Variants in CNTN4 observed in about 807,000 individuals in gnomAD.
CNTN4 encodes the protein contactin-4.
Under a neutral mutation model 122.5 loss-of-function variants are expected in CNTN4, and 77 were observed. The ratio of observed to expected loss-of-function variants is 0.63; its 90% CI spans 0.52 to 0.76. The LOEUF (loss-of-function observed/expected upper bound fraction) is 0.76, where lower values mean the gene tolerates loss of function less well. Among genes scored for constraint, CNTN4 ranks in the 30% least tolerant of loss-of-function variants. CNTN4 has a pLI of 0.00. For synonymous variants in CNTN4, 512 were observed against 447.0 expected (o/e 1.15, Z -1.83); for missense variants, 1,256 against 1,259.1 (o/e 1.00, Z 0.04).
Position 2,269,950 on chromosome 3 carries a change from ATTTATTTT to A in CNTN4, c.-144-69225_-144-69218del, listed in dbSNP as rs1344788943. Among the ~76,000 whole-genome samples the A allele has an allele frequency of 3.1e-4, 10 of 31,794 alleles. 3 individuals carry two copies. The Admixed American group carries it at 3.9e-3, about 12-fold the overall frequency. The allele number at this position is 31,794 out of a possible 152,430, so 20.9% of individuals were successfully genotyped here. On this transcript the variant is annotated intron_variant, in intron 2 of 24. Transcript: ENST00000418658. ...TATTTATTTATTTATTTATTTATTT[ATTTATTTT>A]TTGAGACGGAGTCTCGCTCTGTCGC... is the stretch of plus-strand genomic sequence containing the variant.
chr3:2,753,161 G>T (rs988806815), intron 6 of CNTN4, among the ~76,000 whole-genome samples: 8 of 152,102 alleles, frequency 5.3e-5, no homozygotes, highest in African/African-American at 1.4e-4. Context: ...TGGATCACAT[G>T]AATAACTACC....
At chr3:2,370,201 C>G (rs1250658642) in intron 3 of CNTN4, among the ~76,000 whole-genome samples, 1 of 152,120 alleles carries the variant, frequency 6.6e-6, no homozygotes. Flanking sequence ...TCTAAAGGCC[C>G]CATGTCACAA....
chr3:2,962,256 G>C (rs1577416167), intron 13 of CNTN4, among the ~76,000 whole-genome samples: 1 of 152,198 alleles, frequency 6.6e-6, no homozygotes, highest in South Asian at 2.1e-4. Flanking sequence ...TCCCTAGATA[G>C]AGCCATTCAC....
At chr3:2,177,854 A>T (rs2036825428) in intron 2 of CNTN4, among the ~76,000 whole-genome samples, 1 of 152,142 alleles carries the variant, frequency 6.6e-6, no homozygotes, top group Non-Finnish European at 1.5e-5. Flanking sequence ...CTAGTGTTTG[A>T]CCAAACAACT....
intron 7 of CNTN4, among the ~76,000 whole-genome samples, chr3:2,863,634 A>G (rs1234534081): frequency 6.6e-6 from 1 of 151,732 alleles, no homozygotes; most frequent in Non-Finnish European, 1.5e-5. Context: ...TGTTTTTTGA[A>G]TTGAACTAAT....
intron 13 of CNTN4, among the ~76,000 whole-genome samples, chr3:2,983,908 A>G (rs1415136874): frequency 6.6e-6 from 1 of 152,206 alleles, no homozygotes; most frequent in East Asian, 1.9e-4. Context: ...AAGACTACTG[A>G]AAATTACCCC....
intron 3 of CNTN4, among the ~76,000 whole-genome samples, chr3:2,419,856 A>G (rs145419295): frequency 3.2e-4 from 48 of 152,304 alleles, no homozygotes; most frequent in African/African-American, 1.1e-3. Flanking sequence ...ATGCAAACAT[A>G]TACAAATATA....
At chr3:2,540,406 A>G (rs2077986839) in intron 3 of CNTN4, among the ~76,000 whole-genome samples, 1 of 151,998 alleles carries the variant, frequency 6.6e-6, no homozygotes, top group Non-Finnish European at 1.5e-5. Flanking sequence ...GCAGCAAAAC[A>G]GAAAGCGGCC....
rs189704708 is a variant in CNTN4, at chr3:2,229,079, T to C, written c.-144-110099T>C. Among the ~76,000 whole-genome samples the C allele has an allele frequency of 1.1e-3, 160 of 152,304 alleles. 1 individual carries two copies. The highest frequency in any genetic ancestry group is 3.7e-3 in the African/African-American group (154 of 41,590). On this transcript the variant is annotated intron_variant, in intron 2 of 24. Coordinates refer to ENST00000418658, the MANE Select transcript of CNTN4 (RefSeq NM_175607.3). ...TTGTAGAATTGGCCTATAGGGACTT[T>C]CTCTGGAATTCCTTGCCATTCATTC...
intron 3 of CNTN4, among the ~76,000 whole-genome samples, chr3:2,482,440 A>T (rs1343547458): frequency 6.6e-6 from 1 of 152,162 alleles, no homozygotes; most frequent in Non-Finnish European, 1.5e-5. Flanking sequence ...AGAAAAAAAA[A>T]AACCATTTTC....
chr3:2,721,811 T>C (rs997878871), intron 4 of CNTN4, among the ~76,000 whole-genome samples: 7 of 152,192 alleles, frequency 4.6e-5, no homozygotes, highest in African/African-American at 1.7e-4. Context: ...GAAAGTTTTG[T>C]CCCCATTAAG....
rs1167543815 is a variant in CNTN4, at chr3:2,278,372, G to C, written c.-144-60806G>C. Among the ~76,000 whole-genome samples, 4 of 152,178 alleles carry C rather than the reference G, an allele frequency of 2.6e-5. No individual in the cohort carries two copies. In the East Asian group the frequency reaches 7.7e-4, roughly 29 times the overall value. ...CCCAGTGAACCTCAGCACATTAGCT[G>C]GTTACTGAGAAGGTAGGAAAGTAAA... On this transcript the variant is annotated intron_variant, in intron 2 of 24. Transcript: ENST00000418658.
rs922247608 is a variant in CNTN4 at position 2,745,470 on chromosome 3, A to T, written c.183-52A>T. 33 of 1,384,866 alleles carry T rather than the reference A, an allele frequency of 2.4e-5. No individual in the cohort carries two copies. In the Admixed American group the frequency reaches 5.4e-4, roughly 23 times the overall value. 85.8% of individuals were successfully genotyped at this position (1,384,866 alleles called of 1,614,324 possible). ...TTTTTATATATTTTAGACAATTCAG[A>T]AATATTGATTAATATGACAAGACTT... is the stretch of plus-strand genomic sequence containing the variant. On this transcript the variant is annotated intron_variant, in intron 5 of 24. Transcript: ENST00000418658.
At chr3:2,457,225 G>C (rs141970395) in intron 3 of CNTN4, among the ~76,000 whole-genome samples, 1 of 152,118 alleles carries the variant, frequency 6.6e-6, no homozygotes, top group South Asian at 2.1e-4. Flanking sequence ...TTAAAATTCA[G>C]AATCCAATGT....
In CNTN4 at chr3:2,633,154, A is replaced by G. The variant is rs149811450; in HGVS notation, c.55+61596A>G. Among the ~76,000 whole-genome samples, 959 of 152,242 alleles carry G rather than the reference A, an allele frequency of 6.3e-3. 7 individuals carry two copies. Among genetic ancestry groups the G allele is most frequent in the African/African-American group, 0.022 (896 of 41,538 alleles). ...ATTTAAGGTAGTAAAATCATCAGCC[A>G]TTTGTAAATAGGAGTCCAGTCATGC... On this transcript the variant is annotated intron_variant, in intron 4 of 24. Coordinates refer to ENST00000418658, the MANE Select transcript of CNTN4 (RefSeq NM_175607.3).
At chr3:2,448,775 C>T (rs1024900867) in intron 3 of CNTN4, among the ~76,000 whole-genome samples, 1 of 152,194 alleles carries the variant, frequency 6.6e-6, no homozygotes, top group Non-Finnish European at 1.5e-5. Flanking sequence ...GGTTGTCCAG[C>T]AGCCCAGGTG....
At chr3:2,276,254 C>T (rs1049626261) in intron 2 of CNTN4, among the ~76,000 whole-genome samples, 15 of 151,958 alleles carry the variant, frequency 9.9e-5, no homozygotes, top group Admixed American at 3.9e-4. Flanking sequence ...CTCACTGCAA[C>T]CTCTGCCTCT....
At chr3:2,508,742 A>G (rs114471579) in intron 3 of CNTN4, among the ~76,000 whole-genome samples, 2,226 of 152,280 alleles carry the variant, frequency 0.015, 22 homozygotes, top group Non-Finnish European at 0.02. Flanking sequence ...AGCAGGTTCT[A>G]CTGTCTTTGA....
At chr3:2,751,364 TCAAA>T (rs2090082320) in intron 6 of CNTN4, among the ~76,000 whole-genome samples, 1 of 151,964 alleles carries the variant, frequency 6.6e-6, no homozygotes, top group Admixed American at 6.6e-5. Flanking sequence ...ATGGAATGAA[TCAAA>T]CAAGCCCTCA....
Sources: gnomAD v4.1 joint callset for allele counts (sites outside exome capture counted in the v4.1 genomes callset) on GRCh38, gnomAD v4.1.1 for gene constraint, MANE v1.5 for transcripts, NCBI Gene and HGNC (gene_info 2026-07-23, HGNC 2026-07-21) for gene names.